Variants in MARCHF8 observed in about 807,000 individuals in gnomAD.
The protein encoded by MARCHF8 is E3 ubiquitin-protein ligase MARCHF8.
In MARCHF8, 40 loss-of-function variants were observed where a neutral mutation model predicts 51.6. That is an observed-to-expected ratio of 0.77 (90% CI 0.60 to 1.01). The LOEUF (loss-of-function observed/expected upper bound fraction) is 1.01. Among genes scored for constraint, MARCHF8 ranks in the 50% least tolerant of loss-of-function variants. The pLI is 0.00. For missense variants in MARCHF8, 685 were observed against 708.6 expected (o/e 0.97, Z 0.38); for synonymous variants, 263 against 280.3 (o/e 0.94, Z 0.62).
At chr10:45,560,753 G>C (rs1026624096) in intron 1 of MARCHF8, among the ~76,000 whole-genome samples, 2 of 152,200 alleles carry the variant, frequency 1.3e-5, no homozygotes, top group African/African-American at 2.4e-5. Context: ...GACATGAAGA[G>C]AACAGCAGAA....
chr10:45,544,749 T>C (rs1564511408), intron 1 of MARCHF8, among the ~76,000 whole-genome samples: 1 of 152,198 alleles, frequency 6.6e-6, no homozygotes, highest in Non-Finnish European at 1.5e-5. Flanking sequence ...GCAAAGGAAA[T>C]GTCTCTAACT....
At chr10:45,555,031 G>T (rs1215578994) in intron 1 of MARCHF8, among the ~76,000 whole-genome samples, 1 of 152,028 alleles carries the variant, frequency 6.6e-6, no homozygotes, top group Non-Finnish European at 1.5e-5. Context: ...TCCAGCCTGG[G>T]CGACAGAGTG....
At chr10:45,511,850 C>T (rs1398155491) in intron 2 of MARCHF8, among the ~76,000 whole-genome samples, 2 of 151,462 alleles carry the variant, frequency 1.3e-5, no homozygotes, top group Non-Finnish European at 2.9e-5. Context: ...AAGTGAGGAG[C>T]GTCTCTGCCT....
At chr10:45,474,197 T>C (rs570724987) in intron 3 of MARCHF8, among the ~76,000 whole-genome samples, 5 of 152,334 alleles carry the variant, frequency 3.3e-5, no homozygotes, top group Admixed American at 2.0e-4. Context: ...ATGGCCTCCT[T>C]GTCTCCATGT....
intron 4 of MARCHF8, 112 bp downstream of exon 4, chr10:45,464,127 G>A: frequency 6.5e-7 from 1 of 1,547,464 alleles, no homozygotes; most frequent in East Asian, 2.3e-5. Flanking sequence ...CTCGCCAACT[G>A]TTTAGACCAA....
intron 1 of MARCHF8, among the ~76,000 whole-genome samples, chr10:45,563,465 A>C (rs1480387952): frequency 6.6e-6 from 1 of 152,214 alleles, no homozygotes; most frequent in Non-Finnish European, 1.5e-5. Flanking sequence ...GCAGGCAATT[A>C]AGATATTGAT....
At chr10:45,485,242 A>G (rs1442623096) in intron 3 of MARCHF8, among the ~76,000 whole-genome samples, 1 of 152,196 alleles carries the variant, frequency 6.6e-6, no homozygotes, top group Non-Finnish European at 1.5e-5. Flanking sequence ...TGAAGGTGCA[A>G]TGGAAAAAAA....
chr10:45,467,379 C>G (rs968107048), intron 3 of MARCHF8, among the ~76,000 whole-genome samples: 1 of 152,168 alleles, frequency 6.6e-6, no homozygotes, highest in Non-Finnish European at 1.5e-5. Context: ...TCTGTGGGGT[C>G]TTCACAGCTC....
intron 2 of MARCHF8, among the ~76,000 whole-genome samples, chr10:45,513,652 A>T (rs2043572517): frequency 6.6e-6 from 1 of 152,052 alleles, no homozygotes; most frequent in Non-Finnish European, 1.5e-5. Flanking sequence ...GCTCAAGAAC[A>T]TCTCATAGCC....
At chr10:45,593,754 A>G (rs142044328) in intron 1 of MARCHF8, 21 of 152,380 alleles carry the variant, frequency 1.4e-4, no homozygotes, top group African/African-American at 3.4e-4. Flanking sequence ...AAGGCCCCGA[A>G]GTATGGTATG....
chr10:45,558,767 A>G (rs1352096507), intron 1 of MARCHF8, among the ~76,000 whole-genome samples: 1 of 152,236 alleles, frequency 6.6e-6, no homozygotes, highest in Non-Finnish European at 1.5e-5. Flanking sequence ...ACCGGAGAGC[A>G]TGCGGGGAGA....
In MARCHF8 at chr10:45,512,629, C is replaced by T. The variant is rs865792622; in HGVS notation, c.102+20481G>A. On this transcript the variant is annotated intron_variant, in intron 2 of 7. Transcript: ENST00000453424. ...GGGGTCAGCCCCCCGCCCGGCCAGC[C>T]GCCCCGTCCGGGAGGTGAGGGGCGC... Among the ~76,000 whole-genome samples, 226 of 150,832 alleles carry T rather than the reference C, an allele frequency of 1.5e-3. 1 individual carries two copies. Among genetic ancestry groups the T allele is most frequent in the Middle Eastern group, 6.8e-3 (2 of 292 alleles).
chr10:45,513,229 AAAT>A (rs1018012380), intron 2 of MARCHF8, among the ~76,000 whole-genome samples: 21 of 151,976 alleles, frequency 1.4e-4, no homozygotes, highest in African/African-American at 4.8e-4. Context: ...AATTAAAAAA[AAAT>A]AAATAAAATA....
At chr10:45,594,254 C>A (rs2044711905) in exon 1 of MARCHF8, 1 of 152,218 alleles carries the variant, frequency 6.6e-6, no homozygotes, top group African/African-American at 2.4e-5. Flanking sequence ...CCTTCTGGCA[C>A]CCCGAATGTA....
chr10:45,537,531 T>C (rs1486206918), upstream of MARCHF8, among the ~76,000 whole-genome samples: 1 of 151,918 alleles, frequency 6.6e-6, no homozygotes. Context: ...CTCATGCCTG[T>C]GGTCCCAGCT....
At chr10:45,556,515 T>C (rs1393318572) in intron 1 of MARCHF8, among the ~76,000 whole-genome samples, 1 of 152,234 alleles carries the variant, frequency 6.6e-6, no homozygotes, top group Non-Finnish European at 1.5e-5. Flanking sequence ...ATTCTTCCTT[T>C]ACTTCTGTGT....
At chr10:45,514,799 T>C (rs2043592083) in intron 2 of MARCHF8, among the ~76,000 whole-genome samples, 1 of 152,212 alleles carries the variant, frequency 6.6e-6, no homozygotes, top group Non-Finnish European at 1.5e-5. Flanking sequence ...GAAATATTTT[T>C]TTTAATGTAG....
chr10:45,533,417 G>T, intron 1 of MARCHF8, 128 bp from the exon 2 acceptor site: 1 of 483,844 alleles, frequency 2.1e-6, no homozygotes, highest in African/African-American at 2.0e-5. Flanking sequence ...ATAAATGTTT[G>T]GTCTTCAAAA....
chr10:45,463,034 C>T, intron 5 of MARCHF8, 117 bp downstream of exon 5: 1 of 1,340,130 alleles, frequency 7.5e-7, no homozygotes, highest in Non-Finnish European at 1.0e-6. Flanking sequence ...AACCATCAAC[C>T]CACAACTGGT....
Sources: gnomAD v4.1 joint callset for allele counts (sites outside exome capture counted in the v4.1 genomes callset) on GRCh38, gnomAD v4.1.1 for gene constraint, MANE v1.5 for transcripts, NCBI Gene and HGNC (gene_info 2026-07-23, HGNC 2026-07-21) for gene names.